The following MYPN variants were observed in gnomAD, a reference collection of about 807,000 sequenced individuals.
The protein encoded by MYPN is sarcomeric protein myopalladin, 145 kDa (MYOP).
MYPN carries 63 observed loss-of-function variants against 129.4 expected under a neutral mutation model. The ratio of observed to expected loss-of-function variants is 0.49; its 90% CI spans 0.40 to 0.60. MYPN has a LOEUF of 0.60. Among genes scored for constraint, MYPN ranks in the 20% least tolerant of loss-of-function variants. The pLI, the probability that MYPN is intolerant of heterozygous loss-of-function variation, is 0.00. For synonymous variants in MYPN, 629 were observed against 600.9 expected (o/e 1.05, Z -0.68); for missense variants, 1,596 against 1,635.4 (o/e 0.98, Z 0.42).
At chr10:68,136,847 C>T (rs2042494833) in intron 2 of MYPN, 3 of 1,175,946 alleles carry the variant, frequency 2.6e-6, no homozygotes, top group African/African-American at 1.5e-5. Flanking sequence ...AATAGAGTTA[C>T]ATTGCTTTAA....
chr10:68,092,749 C>A (rs189534763), intron 1 of MYPN, among the ~76,000 whole-genome samples: 24 of 152,220 alleles, frequency 1.6e-4, no homozygotes, highest in African/African-American at 4.8e-4. Context: ...CATGTTTAAG[C>A]TTTCAATCCT....
At chr10:68,119,556 G>T (rs552879194) in intron 1 of MYPN, among the ~76,000 whole-genome samples, 1 of 151,852 alleles carries the variant, frequency 6.6e-6, no homozygotes, top group South Asian at 2.1e-4. Flanking sequence ...AATTACAGGC[G>T]CCCACCACCA....
rs758782992 is a variant in MYPN, at chr10:68,145,508, A to G, written c.1112A>G (p.Asn371Ser). Reference sequence around the variant, plus strand: ...TCTTCTGACTCAGAAGGCGACCCTAACAAGGAAGAGATGAATCGGTAATTC... The same window carrying G: ...TCTTCTGACTCAGAAGGCGACCCTAGCAAGGAAGAGATGAATCGGTAATTC... ...VSSSDSEGDP[N>S]KEEMNRIQKP... The change falls in exon 4 of 20, where the codon AAC becomes AGC. Residue 371 changes from asparagine to serine, a missense_variant. By Grantham distance (46) the Asn-to-Ser change is conservative. Transcript: ENST00000358913. 6 of 1,613,420 alleles carry G rather than the reference A, an allele frequency of 3.7e-6. No homozygotes were observed. The East Asian group carries it at 1.3e-4, about 36-fold the overall frequency.
Position 68,174,490 on chromosome 10 carries a change from T to G in MYPN, c.2398T>G (p.Ser800Ala). The change falls in exon 11 of 20, where the codon TCC becomes GCC. Residue 800 changes from serine to alanine, a missense_variant. By Grantham distance (99) the Ser-to-Ala change is moderately conservative (BLOSUM62 1). Transcript: ENST00000358913. ...TEPTPPPFTFSIPSGNQFQPR... is the reference protein window; with the variant it reads ...TEPTPPPFTFAIPSGNQFQPR... ...ACCAACACCACCACCATTCACATTT[T>G]CCATCCCCAGCGGAAACCAGTTTCA... 6.2e-7 allele frequency: 1 copy of G among 1,614,020 alleles called. No individual in the cohort carries two copies. Among genetic ancestry groups the G allele is most frequent in the Non-Finnish European group, 8.5e-7 (1 of 1,179,952 alleles).
chr10:68,135,744 G>A (rs562720505), intron 2 of MYPN, among the ~76,000 whole-genome samples: 2 of 152,316 alleles, frequency 1.3e-5, no homozygotes, highest in African/African-American at 2.4e-5. Flanking sequence ...CAGCTAAAAT[G>A]TACCATACAC....
At chr10:68,146,781 A>G (rs2042673776) in intron 4 of MYPN, among the ~76,000 whole-genome samples, 1 of 152,166 alleles carries the variant, frequency 6.6e-6, no homozygotes, top group African/African-American at 2.4e-5. Flanking sequence ...AAATGCATAT[A>G]CCACTATCCC....
At chr10:68,195,721 C>T (rs2043594158) in intron 15 of MYPN, among the ~76,000 whole-genome samples, 189 bp downstream of exon 15, 1 of 152,158 alleles carries the variant, frequency 6.6e-6, no homozygotes, top group African/African-American at 2.4e-5. Context: ...GACTCAGAAT[C>T]TGCATTTTAA....
Position 68,210,546 on chromosome 10 carries a change from G to A in MYPN, c.*91G>A. On this transcript the variant is annotated 3_prime_UTR_variant, in exon 20 of 20. Coordinates refer to ENST00000358913, the MANE Select transcript of MYPN (RefSeq NM_032578.4). ...TGGTGGTTTCCAAGCAACCGAAGTT[G>A]AGTAAGTTCCCACACTGCTGGACCT... is the stretch of plus-strand genomic sequence containing the variant. The A allele has an allele frequency of 6.7e-7, 1 of 1,492,988 alleles. No individual in the cohort carries two copies. The highest frequency in any genetic ancestry group is 9.3e-7 in the Non-Finnish European group (1 of 1,080,408). 92.5% of individuals were successfully genotyped at this position (1,492,988 alleles called of 1,614,324 possible).
chr10:68,148,552 T>A (rs188627220), intron 5 of MYPN, 85 bp downstream of exon 5: 1 of 1,120,782 alleles, frequency 8.9e-7, no homozygotes, highest in East Asian at 2.4e-5. Flanking sequence ...GGCATGATCG[T>A]GTTTTTCTCA....
intron 12 of MYPN, among the ~76,000 whole-genome samples, chr10:68,186,721 G>T (rs182430884): frequency 1.2e-3 from 184 of 152,296 alleles, no homozygotes; most frequent in African/African-American, 4.2e-3. Context: ...TCTTCTAGGT[G>T]CTGTCAATAT....
chr10:68,126,013 T>A (rs1296161036), intron 2 of MYPN, among the ~76,000 whole-genome samples: 1 of 152,098 alleles, frequency 6.6e-6, no homozygotes, highest in Admixed American at 6.5e-5. Flanking sequence ...TAAAAGAGTA[T>A]ATGAGTTGCT....
rs950836878 is a variant in MYPN, at chr10:68,145,607, G to A, written c.1130+81G>A. 7 of 1,185,426 alleles carry A rather than the reference G, an allele frequency of 5.9e-6. No homozygotes were observed. The Admixed American group carries it at 1.0e-4, about 17-fold the overall frequency. The allele number at this position is 1,185,426 out of a possible 1,614,324, so 73.4% of individuals were successfully genotyped here. A position where few individuals can be genotyped will look rare whatever the true frequency, so the allele number is the denominator to read the frequency against. ...AAAGAGAATGATTAATTGGTTACTA[G>A]AACTTAAGAAGGGTGGCTCCAGGGT... On this transcript the variant is annotated intron_variant, in intron 4 of 19. Transcript: ENST00000358913.
intron 7 of MYPN, among the ~76,000 whole-genome samples, chr10:68,160,578 C>T (rs115770881): frequency 1.1e-3 from 164 of 152,226 alleles, no homozygotes; most frequent in African/African-American, 3.8e-3. Context: ...TCAGTACCAC[C>T]GTGGGCACTT....
chr10:68,185,486 G>A (rs2043406560), intron 12 of MYPN, among the ~76,000 whole-genome samples: 1 of 152,040 alleles, frequency 6.6e-6, no homozygotes, highest in African/African-American at 2.4e-5. Flanking sequence ...TACAGGCTCA[G>A]TCAGCACCTC....
chr10:68,165,862 A>G (rs368864044), intron 9 of MYPN, 44 bp downstream of exon 9: 226 of 1,461,486 alleles, frequency 1.5e-4, no homozygotes, highest in Middle Eastern at 1.0e-3. Flanking sequence ...TATGACTTTG[A>G]GTGTGAATAT....
intron 13 of MYPN, among the ~76,000 whole-genome samples, chr10:68,192,307 C>T (rs2043527477): frequency 6.6e-6 from 1 of 152,122 alleles, no homozygotes; most frequent in Non-Finnish European, 1.5e-5. Context: ...TGTGTATTGA[C>T]TTGCCTGTGT....
intron 19 of MYPN, among the ~76,000 whole-genome samples, chr10:68,209,450 G>A (rs1287142875): frequency 6.6e-6 from 1 of 152,128 alleles, no homozygotes; most frequent in Non-Finnish European, 1.5e-5. Flanking sequence ...TGACTGATTA[G>A]GGTGATTAGG....
At chr10:68,095,618 A>T (rs1257764300) in intron 1 of MYPN, among the ~76,000 whole-genome samples, 1 of 152,178 alleles carries the variant, frequency 6.6e-6, no homozygotes, top group Non-Finnish European at 1.5e-5. Context: ...GGAAGTGAAT[A>T]ATTTAAAGAA....
At chr10:68,132,207 T>C (rs1246387483) in intron 2 of MYPN, among the ~76,000 whole-genome samples, 1 of 152,214 alleles carries the variant, frequency 6.6e-6, no homozygotes, top group Non-Finnish European at 1.5e-5. Flanking sequence ...CATGAAAGGA[T>C]GTTGAATTTT....
Sources: allele counts gnomAD v4.1 joint callset (sites outside exome capture counted in the v4.1 genomes callset), GRCh38; gene constraint gnomAD v4.1.1; transcripts MANE v1.5; gene names NCBI Gene and HGNC (gene_info 2026-07-23, HGNC 2026-07-21).